DAGLB: variants seen among roughly 807,000 people sequenced by gnomAD.
The protein encoded by DAGLB is diacylglycerol lipase beta.
DAGLB carries 66 observed loss-of-function variants against 72.1 expected under a neutral mutation model. That is an observed-to-expected ratio of 0.92 (90% CI 0.75 to 1.12). The LOEUF (loss-of-function observed/expected upper bound fraction) is 1.12. Ranked by LOEUF, DAGLB falls within the 50% of genes most tolerant of loss-of-function variation. DAGLB has a pLI of 0.00. For missense variants in DAGLB, 1,065 were observed against 884.9 expected (o/e 1.20, Z -2.58); for synonymous variants, 414 against 359.5 (o/e 1.15, Z -1.71).
intron 9 of DAGLB, among the ~76,000 whole-genome samples, chr7:6,421,114 G>A (rs1417061094): frequency 6.6e-6 from 1 of 152,226 alleles, no homozygotes; most frequent in Non-Finnish European, 1.5e-5. Flanking sequence ...ACCAGCCTGG[G>A]CAACACAGGG....
At position 6,421,794 on chromosome 7, in the gene DAGLB, G is replaced by C. The variant is rs766354107; in HGVS notation, c.1151C>G (p.Thr384Arg). Reference protein sequence around the residue: ...RGTMSLQDVLTDLSAESEVLD... With the variant: ...RGTMSLQDVLRDLSAESEVLD... ...CACCTCACTCTCCGCTGACAGGTCC[G>C]TAAGGACATCCTGTAAAAAGGGCGT... Residue 384 changes from threonine (T) to arginine (R), a missense_variant, in exon 9 of 15, where the codon ACG becomes AGG. Transcript: ENST00000297056. 1 of 1,612,976 alleles carries C rather than the reference G, an allele frequency of 6.2e-7. No individual in the cohort carries two copies. The highest frequency in any genetic ancestry group is 8.5e-7 in the Non-Finnish European group (1 of 1,179,528).
chr7:6,430,268 T>TTGTGC, intron 6 of DAGLB, among the ~76,000 whole-genome samples: 1 of 120,412 alleles, frequency 8.3e-6, no homozygotes, highest in African/African-American at 3.1e-5. Context: ...TATATATATA[T>TTGTGC]ATATATATAT....
chr7:6,409,615 AGTC>A lies in DAGLB; in HGVS notation c.*219_*221del. 2 of 592,660 alleles carry A rather than the reference AGTC, an allele frequency of 3.4e-6. No homozygotes were observed. The highest frequency in any genetic ancestry group is 2.9e-6 in the Non-Finnish European group (1 of 340,240). 36.7% of individuals were successfully genotyped at this position (592,660 alleles called of 1,614,324 possible). On this transcript the variant is annotated 3_prime_UTR_variant, in exon 15 of 15. Coordinates refer to ENST00000297056, the MANE Select transcript of DAGLB (RefSeq NM_139179.4). ...GTCTCCACGGTCGCTGGGTCTCAGG[AGTC>A]GTCCTATCACCTGAGCGTGCTCACT...
intron 8 of DAGLB, chr7:6,422,843 C>T (rs1441659502): frequency 6.6e-6 from 1 of 152,142 alleles, no homozygotes; most frequent in African/African-American, 2.4e-5. Context: ...TACCCAGCTA[C>T]AAATCTGCAC....
At chr7:6,439,800 C>T (rs7806655) in intron 2 of DAGLB, among the ~76,000 whole-genome samples, 19,639 of 151,922 alleles carry the variant, frequency 0.13, 1,410 homozygotes, top group Admixed American at 0.18. Flanking sequence ...ACCTATAATC[C>T]GAGCAATTTG....
At chr7:6,431,671 C>A (rs545503261) in intron 5 of DAGLB, among the ~76,000 whole-genome samples, 35 of 152,276 alleles carry the variant, frequency 2.3e-4, no homozygotes, top group African/African-American at 8.2e-4. Flanking sequence ...ACTGTGGAGG[C>A]TGAGGCAGGA....
chr7:6,445,701 G>A, intron 2 of DAGLB: 1 of 304,166 alleles, frequency 3.3e-6, no homozygotes, highest in Non-Finnish European at 6.1e-6. Context: ...GGCCTCAAGT[G>A]ATCCACCCAC....
Position 6,412,956 on chromosome 7 carries a change from G to A in DAGLB, c.1496+10C>T. On this transcript the variant is annotated intron_variant, in intron 12 of 14. Coordinates refer to ENST00000297056, the MANE Select transcript of DAGLB (RefSeq NM_139179.4). ...CCCCCAGCCCTGGGCACAGCACCAG[G>A]TGGGCTTACCTGGGAATCACATCCT... The A allele has an allele frequency of 6.2e-7, 1 of 1,613,912 alleles. No homozygotes were observed. Among genetic ancestry groups the A allele is most frequent in the Non-Finnish European group, 8.5e-7 (1 of 1,179,884 alleles).
chr7:6,437,542 C>T (rs1784704705), intron 2 of DAGLB, among the ~76,000 whole-genome samples: 1 of 152,124 alleles, frequency 6.6e-6, no homozygotes, highest in African/African-American at 2.4e-5. Context: ...AGTGATCCAC[C>T]CACCTCAGCC....
chr7:6,444,608 T>C (rs1784938004), intron 2 of DAGLB, among the ~76,000 whole-genome samples: 2 of 149,100 alleles, frequency 1.3e-5, no homozygotes, highest in African/African-American at 5.0e-5. Flanking sequence ...TCTCAAAAAA[T>C]AAAAATAAAA....
At chr7:6,435,327 A>C in intron 3 of DAGLB, 2 of 281,264 alleles carry the variant, frequency 7.1e-6, no homozygotes, top group South Asian at 8.1e-5. Context: ...CTCTACTAAA[A>C]ACACAAAAAT....
intron 1 of DAGLB, among the ~76,000 whole-genome samples, chr7:6,446,784 G>A (rs1484807635): frequency 2.0e-5 from 3 of 152,062 alleles, no homozygotes; most frequent in African/African-American, 7.2e-5. Context: ...CAAGGCAGGA[G>A]GATCACTTGA....
chr7:6,422,058 T>A, intron 8 of DAGLB: 1 of 591,010 alleles, frequency 1.7e-6, no homozygotes, highest in Non-Finnish European at 3.2e-6. Context: ...AGACACGCCC[T>A]GCGCCTTCCC....
chr7:6,420,698 A>G lies in DAGLB; in HGVS notation c.1218+1029T>C, dbSNP rs574595098. Among the ~76,000 whole-genome samples the G allele has an allele frequency of 2.9e-4, 43 of 148,318 alleles. No homozygotes were observed. In the South Asian group the frequency reaches 7.6e-3, roughly 26 times the overall value. On this transcript the variant is annotated intron_variant, in intron 9 of 14. Transcript: ENST00000297056. ...ATACACTAACGACCAACGAACAGTG[A>G]AACTGACCAATGTGTGTCAGGAATA... is the stretch of plus-strand genomic sequence containing the variant.
At chr7:6,441,404 T>G (rs1395648594) in intron 2 of DAGLB, among the ~76,000 whole-genome samples, 1 of 146,738 alleles carries the variant, frequency 6.8e-6, no homozygotes, top group Non-Finnish European at 1.5e-5. Flanking sequence ...AACTGACAAT[T>G]AAACAAACAT....
At chr7:6,442,459 A>G (rs1303415049) in intron 2 of DAGLB, among the ~76,000 whole-genome samples, 1 of 152,144 alleles carries the variant, frequency 6.6e-6, no homozygotes, top group Non-Finnish European at 1.5e-5. Context: ...AAAAAAAAGT[A>G]CACCGACTGC....
intron 1 of DAGLB, among the ~76,000 whole-genome samples, chr7:6,446,958 G>C (rs1289987694): frequency 6.6e-6 from 1 of 151,986 alleles, no homozygotes; most frequent in African/African-American, 2.4e-5. Flanking sequence ...TGCAGTGAGT[G>C]GTGATCGCAC....
chr7:6,436,630 T>C, intron 2 of DAGLB, 97 bp from the exon 3 acceptor site: 10 of 1,488,664 alleles, frequency 6.7e-6, no homozygotes, highest in Non-Finnish European at 9.2e-6. Flanking sequence ...CATACATTTG[T>C]ACTGTGCACA....
At chr7:6,420,312 C>T (rs372174275) in intron 9 of DAGLB, among the ~76,000 whole-genome samples, 13 of 151,904 alleles carry the variant, frequency 8.6e-5, no homozygotes, top group Middle Eastern at 6.8e-3. Flanking sequence ...TGGTGACGTG[C>T]GCCTGTAGTC....
Sources: allele counts gnomAD v4.1 joint callset (sites outside exome capture counted in the v4.1 genomes callset), GRCh38; gene constraint gnomAD v4.1.1; transcripts MANE v1.5; gene names NCBI Gene and HGNC (gene_info 2026-07-23, HGNC 2026-07-21).